FRMD6: variants seen among roughly 807,000 people sequenced by gnomAD.
FRMD6 encodes FERM domain-containing protein 6.
A neutral mutation model predicts 73.2 loss-of-function variants in FRMD6; 37 were observed. The observed-to-expected ratio is 0.51, with a 90% CI of 0.39 to 0.66. The LOEUF (loss-of-function observed/expected upper bound fraction) is 0.66, where lower values mean the gene tolerates loss of function less well. Ranked by LOEUF, FRMD6 falls within the 30% of genes least tolerant of loss-of-function variation. The pLI is 0.00. For missense variants in FRMD6, 714 were observed against 780.5 expected, an observed-to-expected ratio of 0.91 and a Z score of 1.02; for synonymous variants, 273 against 282.2, an observed-to-expected ratio of 0.97 and a Z score of 0.33.
intron 2 of FRMD6, among the ~76,000 whole-genome samples, chr14:51,609,893 G>A (rs1425044241): frequency 6.6e-6 from 1 of 152,184 alleles, no homozygotes; most frequent in Non-Finnish European, 1.5e-5. Flanking sequence ...CAAAGTTTCA[G>A]GGCTTGAAGA....
the FRMD6 span, among the ~76,000 whole-genome samples, chr14:51,419,774 C>T: frequency 1.3e-5 from 2 of 152,218 alleles, no homozygotes; most frequent in Non-Finnish European, 2.9e-5. Flanking sequence ...GGTCTACAAT[C>T]TCTTGTGTTG....
upstream of FRMD6, among the ~76,000 whole-genome samples, chr14:51,484,740 C>T (rs368473931): frequency 6.6e-6 from 1 of 152,320 alleles, no homozygotes; most frequent in Admixed American, 6.5e-5. Context: ...TTTAGCTTTC[C>T]GGCCTGTGAA....
At chr14:51,635,034 C>T (rs1361151934) in intron 2 of FRMD6, among the ~76,000 whole-genome samples, 1 of 152,030 alleles carries the variant, frequency 6.6e-6, no homozygotes, top group East Asian at 1.9e-4. Context: ...TCCTGGGCTC[C>T]AGTGGTCCTC....
chr14:51,468,694 A>T, the FRMD6 span, among the ~76,000 whole-genome samples: 1 of 152,208 alleles, frequency 6.6e-6, no homozygotes. Flanking sequence ...GTCTTTTGTC[A>T]TTAAGCATGA....
chr14:51,659,346 A>G (rs541270666), intron 1 of FRMD6, among the ~76,000 whole-genome samples: 2 of 152,262 alleles, frequency 1.3e-5, no homozygotes, highest in South Asian at 2.1e-4. Flanking sequence ...ATTGCTGCTT[A>G]AGACAAAAAG....
rs561866861 is a variant in FRMD6, at chr14:51,723,551, TG to T, written c.1492+1474del. On this transcript the variant is annotated intron_variant, in intron 12 of 13. Coordinates refer to ENST00000344768, the MANE Select transcript of FRMD6 (RefSeq NM_001267046.2). Reference sequence around the variant, plus strand: ...ATCCCAGCACTTTGGGAGGCCAAGGTGGGTGGATCACCTGAGGTCAGGAGTT... The same window carrying T: ...ATCCCAGCACTTTGGGAGGCCAAGGTGGTGGATCACCTGAGGTCAGGAGTT... 2.0e-3 allele frequency among the ~76,000 whole-genome samples: 300 copies of T among 151,900 alleles called. 1 individual carries two copies. Among genetic ancestry groups the T allele is most frequent in the African/African-American group, 7.0e-3 (291 of 41,452 alleles).
intron 1 of FRMD6, among the ~76,000 whole-genome samples, chr14:51,529,890 A>G (rs982831468): frequency 6.6e-6 from 1 of 152,220 alleles, no homozygotes; most frequent in African/African-American, 2.4e-5. Flanking sequence ...GTTAGTTTGT[A>G]TGGCTTGTGA....
chr14:51,491,205 G>A (rs1454616923), intron 1 of FRMD6, among the ~76,000 whole-genome samples: 1 of 152,304 alleles, frequency 6.6e-6, no homozygotes, highest in Non-Finnish European at 1.5e-5. Context: ...TTAGCATGGG[G>A]CCCTCACCTG....
At position 51,493,739 on chromosome 14, in the gene FRMD6, A is replaced by G. The variant is rs113458692; in HGVS notation, c.-210+4319A>G. 2.4e-3 allele frequency among the ~76,000 whole-genome samples: 363 copies of G among 152,332 alleles called. 1 individual carries two copies. Among genetic ancestry groups the G allele is most frequent in the African/African-American group, 8.3e-3 (346 of 41,570 alleles). On this transcript the variant is annotated intron_variant, in intron 1 of 14. Transcript: ENST00000356218. ...GTTTTCTATCATATTACTCAGGCCA[A>G]TTCCTTATTATTGAGCATTTGAGAT...
At chr14:51,679,611 G>A (rs1031234859) in intron 1 of FRMD6, among the ~76,000 whole-genome samples, 1 of 140,418 alleles carries the variant, frequency 7.1e-6, no homozygotes, top group East Asian at 2.1e-4. Context: ...ATCAAAATAA[G>A]TGCCTGAAAA....
the FRMD6 span, among the ~76,000 whole-genome samples, chr14:51,481,820 A>G: frequency 6.6e-6 from 1 of 152,214 alleles, no homozygotes; most frequent in East Asian, 1.9e-4. Flanking sequence ...GGCCCCTCCA[A>G]ATGCTTCCTG....
the FRMD6 span, among the ~76,000 whole-genome samples, chr14:51,457,456 G>C: frequency 2.6e-5 from 4 of 152,156 alleles, no homozygotes; most frequent in East Asian, 1.9e-4. Flanking sequence ...GAAGCTACGA[G>C]TCCCTGTGAT....
intron 7 of FRMD6, among the ~76,000 whole-genome samples, chr14:51,711,098 A>G (rs1030792541): frequency 1.3e-5 from 2 of 152,218 alleles, no homozygotes; most frequent in Non-Finnish European, 2.9e-5. Flanking sequence ...AGTCTTATGC[A>G]TCTCAGAATA....
At chr14:51,672,871 C>A (rs1894114248) in intron 1 of FRMD6, among the ~76,000 whole-genome samples, 1 of 152,080 alleles carries the variant, frequency 6.6e-6, no homozygotes, top group Non-Finnish European at 1.5e-5. Flanking sequence ...GATGAATGAA[C>A]CCATTCATTG....
Position 51,708,080 on chromosome 14 carries a change from T to G in FRMD6, c.561T>G (p.Val187=). Residue 187 remains valine (V), a splice_region_variant and synonymous_variant, in exon 7 of 14, where the codon GTT becomes GTG. Transcript: ENST00000344768. ...FEPEAYFPSW[V]VSKRGKDYIL... is the part of the protein sequence containing the mutation. Reference sequence around the variant, plus strand: ...GCACACCCCTTGTATCCCAACAGGTTGTTTCCAAGAGGGGGAAGGACTACA... The same window carrying G: ...GCACACCCCTTGTATCCCAACAGGTGGTTTCCAAGAGGGGGAAGGACTACA... The G allele has an allele frequency of 6.2e-7, 1 of 1,613,010 alleles. No homozygotes were observed. The highest frequency in any genetic ancestry group is 1.7e-4 in the Middle Eastern group (1 of 6,046).
chr14:51,624,045 A>C (rs557354083), intron 2 of FRMD6, among the ~76,000 whole-genome samples: 1 of 152,326 alleles, frequency 6.6e-6, no homozygotes, highest in African/African-American at 2.4e-5. Flanking sequence ...AAACTAATGC[A>C]GGAACAGAAC....
At chr14:51,720,961 C>G (rs901445675) in intron 11 of FRMD6, among the ~76,000 whole-genome samples, 67 of 152,134 alleles carry the variant, frequency 4.4e-4, no homozygotes, top group African/African-American at 1.4e-3. Context: ...ACATTTGTGT[C>G]CCTCTTTTAT....
chr14:51,705,042 C>A, intron 6 of FRMD6, 107 bp downstream of exon 6: 2 of 990,720 alleles, frequency 2.0e-6, no homozygotes, highest in East Asian at 2.6e-5. Context: ...TGTTCTGTGG[C>A]CAAATTCTTT....
intron 1 of FRMD6, among the ~76,000 whole-genome samples, chr14:51,567,764 A>G (rs1887855975): frequency 6.6e-6 from 1 of 151,952 alleles, no homozygotes; most frequent in African/African-American, 2.4e-5. Context: ...TTAATGCTTA[A>G]CTCTCTCCTT....
Sources: allele counts gnomAD v4.1 joint callset (sites outside exome capture counted in the v4.1 genomes callset), GRCh38; gene constraint gnomAD v4.1.1; transcripts MANE v1.5; gene names NCBI Gene and HGNC (gene_info 2026-07-23, HGNC 2026-07-21).